Variants in RELN observed in about 807,000 individuals in gnomAD.
RELN encodes reelin.
A neutral mutation model predicts 427.6 loss-of-function variants in RELN; 108 were observed. The ratio of observed to expected loss-of-function variants is 0.25; its 90% confidence interval spans 0.22 to 0.30. RELN has a LOEUF of 0.30. RELN is among the 10% of genes least tolerant of loss of function. The probability of loss-of-function intolerance (pLI) is 1.00; values close to 1 mark genes in which losing one functional copy is unlikely to be tolerated. For missense variants in RELN, 3,715 were observed against 4,302.8 expected (o/e 0.86, Z 3.82); for synonymous variants, 1,524 against 1,513.4 (o/e 1.01, Z -0.16).
At chr7:103,727,731 A>G (rs1303431718) in intron 7 of RELN, among the ~76,000 whole-genome samples, 2 of 152,188 alleles carry the variant, frequency 1.3e-5, no homozygotes, top group East Asian at 1.9e-4. Context: ...AAAACTGAAC[A>G]TCTAACAGTT....
At chr7:103,537,212 TCTG>T (rs1337285847) in intron 45 of RELN, among the ~76,000 whole-genome samples, 2 of 152,322 alleles carry the variant, frequency 1.3e-5, no homozygotes, top group Non-Finnish European at 2.9e-5. Context: ...AGTCCTGAGA[TCTG>T]CTGATTTTTT....
chr7:103,523,531 C>T lies in RELN; in HGVS notation c.7350G>A (p.Arg2450=). 1 of 1,613,870 alleles carries T rather than the reference C, an allele frequency of 6.2e-7. No individual in the cohort carries two copies. Among genetic ancestry groups the T allele is most frequent in the Non-Finnish European group, 8.5e-7 (1 of 1,180,006 alleles). ...GCCAACGGAAACGAGTGGCTTGGGA[C>T]CTTTGAAGAAGATGAGAATTTTAAT... The part of the protein sequence containing the change: ...RITLPLPPYT[R]SQATRFRWHQ... The change falls in exon 47 of 65, where the codon AGG becomes AGA. Residue 2450 remains arginine, a splice_region_variant and synonymous_variant. Transcript: ENST00000428762.
chr7:103,728,081 G>C (rs1584440382), intron 7 of RELN, 30 bp downstream of exon 7: 2 of 1,601,582 alleles, frequency 1.2e-6, no homozygotes, highest in Non-Finnish European at 1.7e-6. Context: ...TACTATAATG[G>C]AATAATGTAC....
intron 2 of RELN, among the ~76,000 whole-genome samples, chr7:103,916,643 T>C (rs1235993939): frequency 6.6e-6 from 1 of 152,202 alleles, no homozygotes; most frequent in Non-Finnish European, 1.5e-5. Context: ...TTTTATCAAA[T>C]ATTGCTATCT....
At position 103,483,734 on chromosome 7, in the gene RELN, T is replaced by C. The variant is rs778715195; in HGVS notation, c.10100A>G (p.Asn3367Ser). 6.2e-7 allele frequency: 1 copy of C among 1,614,166 alleles called. No homozygotes were observed. The highest frequency in any genetic ancestry group is 8.5e-7 in the Non-Finnish European group (1 of 1,179,988). ...GGCGATGACATGCCAGGTGATCCCG[T>C]TGTTGACGCTGTATTGCAGCAGCAC... is the stretch of plus-strand genomic sequence containing the variant. ...KAVLLQYSVNNGITWHVIAQH... is the reference protein window; with the variant it reads ...KAVLLQYSVNSGITWHVIAQH... Residue 3367 changes from asparagine to serine, a missense_variant, in exon 62 of 65, where the codon AAC becomes AGC. Physicochemically the swap from Asn to Ser is conservative, Grantham distance 46 (BLOSUM62 1). Coordinates refer to ENST00000428762, the MANE Select transcript of RELN (RefSeq NM_005045.4).
intron 1 of RELN, among the ~76,000 whole-genome samples, chr7:103,928,763 C>G (rs143640563): frequency 6.6e-6 from 1 of 152,104 alleles, no homozygotes. Context: ...CTCTAACTGA[C>G]GAGGACTGAA....
chr7:103,778,170 G>C (rs977697272), intron 3 of RELN, among the ~76,000 whole-genome samples: 3 of 152,132 alleles, frequency 2.0e-5, no homozygotes, highest in African/African-American at 7.2e-5. Context: ...GCCAATCCAA[G>C]CCATAAACAT....
intron 36 of RELN, among the ~76,000 whole-genome samples, chr7:103,560,816 T>C (rs362794): frequency 0.24 from 37,195 of 152,160 alleles, 4,734 homozygotes; most frequent in Middle Eastern, 0.33. Context: ...CTGGCATCTA[T>C]TGACTATAAT....
chr7:103,627,688 A>G (rs1832357460), intron 20 of RELN, among the ~76,000 whole-genome samples: 1 of 152,180 alleles, frequency 6.6e-6, no homozygotes, highest in Non-Finnish European at 1.5e-5. Flanking sequence ...GATTGCTCAC[A>G]TGTGGTTGTT....
rs1489453956 is a variant in RELN, at chr7:103,626,334, A to G, written c.2702+3606T>C. Among the ~76,000 whole-genome samples, 1 of 151,952 alleles carries G rather than the reference A, an allele frequency of 6.6e-6. No homozygotes were observed. The highest frequency in any genetic ancestry group is 1.9e-4 in the East Asian group (1 of 5,192). On this transcript the variant is annotated intron_variant, in intron 20 of 64. Transcript: ENST00000428762. This position sits in a 1 kb window ranked among gnomAD's most constrained non-coding sequence, Gnocchi z 4.4. Reference sequence around the variant, plus strand: ...GCCAATTCTAAATGCTACAACAACTATTCTCTCTCAATTGTACACTTATAT... The same window carrying G: ...GCCAATTCTAAATGCTACAACAACTGTTCTCTCTCAATTGTACACTTATAT...
chr7:103,845,013 G>T (rs1242398269), intron 2 of RELN, among the ~76,000 whole-genome samples: 2 of 152,086 alleles, frequency 1.3e-5, no homozygotes, highest in Non-Finnish European at 2.9e-5. Context: ...GTAGAAACAG[G>T]ATCTGATTAT....
intron 2 of RELN, among the ~76,000 whole-genome samples, chr7:103,890,938 T>C (rs1563073905): frequency 2.6e-5 from 4 of 152,110 alleles, no homozygotes; most frequent in Non-Finnish European, 4.4e-5. Flanking sequence ...TAGCTGGGCA[T>C]GGTGGTGCGC....
intron 4 of RELN, among the ~76,000 whole-genome samples, chr7:103,775,432 T>A (rs2116207679): frequency 6.6e-6 from 1 of 152,324 alleles, no homozygotes; most frequent in South Asian, 2.1e-4. Context: ...GTTACTTAGA[T>A]AAAGTCATAT....
At chr7:103,651,552 T>C in intron 15 of RELN, 109 bp downstream of exon 15, 1 of 1,035,136 alleles carries the variant, frequency 9.7e-7, no homozygotes, top group Admixed American at 1.8e-5. Context: ...TTAAAGAGGT[T>C]AGGTTTCTTA....
chr7:103,557,612 C>T (rs1355328123), intron 37 of RELN, among the ~76,000 whole-genome samples: 1 of 151,864 alleles, frequency 6.6e-6, no homozygotes, highest in African/African-American at 2.4e-5. Flanking sequence ...TTTTTGGATT[C>T]ACATCTGTAA....
intron 3 of RELN, among the ~76,000 whole-genome samples, chr7:103,781,438 T>C (rs929182160): frequency 1.3e-5 from 2 of 152,308 alleles, no homozygotes; most frequent in African/African-American, 4.8e-5. Context: ...TTTTAAAAAT[T>C]ACATTGACAG....
intron 63 of RELN, among the ~76,000 whole-genome samples, chr7:103,479,433 T>C (rs1285454678): frequency 1.3e-5 from 2 of 152,228 alleles, no homozygotes; most frequent in Non-Finnish European, 2.9e-5. Flanking sequence ...TGAGGACTTT[T>C]TGTAAGCTAG....
rs916550183 is a variant in RELN at position 103,810,108 on chromosome 7, C to T, written c.473+23429G>A. 2.6e-5 allele frequency among the ~76,000 whole-genome samples: 4 copies of T among 152,278 alleles called. 1 individual carries two copies. The South Asian group carries it at 8.3e-4, about 32-fold the overall frequency. ...CTCACAATTCAGACCAAAGGAACTA[C>T]TTCAATTACCTTGCTGTTATCATTG... On this transcript the variant is annotated intron_variant, in intron 3 of 64. Coordinates refer to ENST00000428762, the MANE Select transcript of RELN (RefSeq NM_005045.4).
At chr7:103,615,148 T>C (rs985580963) in intron 20 of RELN, among the ~76,000 whole-genome samples, 2 of 152,176 alleles carry the variant, frequency 1.3e-5, no homozygotes, top group African/African-American at 2.4e-5. Context: ...TTTATTTATA[T>C]TGACTTGCAA....
Sources: allele counts gnomAD v4.1 joint callset (sites outside exome capture counted in the v4.1 genomes callset), GRCh38; gene constraint gnomAD v4.1.1; non-coding constraint Gnocchi (gnomAD v3.1); transcripts MANE v1.5; gene names NCBI Gene and HGNC (gene_info 2026-07-23, HGNC 2026-07-21).